The following TENM3 variants were observed in gnomAD, a reference collection of about 807,000 sequenced individuals.
TENM3 encodes teneurin transmembrane protein 3.
In TENM3, 63 loss-of-function variants were observed where a neutral mutation model predicts 255.1. The ratio of observed to expected loss-of-function variants is 0.25; its 90% CI spans 0.20 to 0.30. The LOEUF is 0.30. TENM3 is among the 10% of genes least tolerant of loss of function. The pLI is 1.00. For missense variants in TENM3, 2,929 were observed against 3,461.1 expected, an observed-to-expected ratio of 0.85 and a Z score of 3.86; for synonymous variants, 1,306 against 1,322.3, an observed-to-expected ratio of 0.99 and a Z score of 0.27.
At chr4:182,087,387 T>C in the TENM3 span, among the ~76,000 whole-genome samples, 1 of 152,322 alleles carries the variant, frequency 6.6e-6, no homozygotes, top group East Asian at 1.9e-4. Flanking sequence ...CCTTACTGTG[T>C]CCAACTTGTA....
chr4:181,605,131 T>C, the TENM3 span, among the ~76,000 whole-genome samples: 7 of 151,834 alleles, frequency 4.6e-5, no homozygotes, highest in East Asian at 1.2e-3. Flanking sequence ...AAGAAAGAAA[T>C]ACGTAAGGGA....
At chr4:181,684,197 G>T in the TENM3 span, among the ~76,000 whole-genome samples, 116,315 of 152,072 alleles carry the variant, frequency 0.76, 45,128 homozygotes, top group Admixed American at 0.87. Context: ...CGGTTCCTAT[G>T]CAGTGTTATT....
chr4:181,999,802 A>T, the TENM3 span, among the ~76,000 whole-genome samples: 4 of 152,172 alleles, frequency 2.6e-5, no homozygotes, highest in Non-Finnish European at 5.9e-5. Flanking sequence ...TGTATTCAGG[A>T]TTTGACATAT....
At chr4:182,776,759 T>G (rs775401365) in intron 24 of TENM3, among the ~76,000 whole-genome samples, 1 of 152,188 alleles carries the variant, frequency 6.6e-6, no homozygotes, top group Non-Finnish European at 1.5e-5. Flanking sequence ...AGAAAATACC[T>G]CACTTGAGGA....
At chr4:181,871,321 A>G in the TENM3 span, among the ~76,000 whole-genome samples, 54 of 152,220 alleles carry the variant, frequency 3.5e-4, no homozygotes, top group African/African-American at 1.2e-3. Flanking sequence ...CATTGAATCT[A>G]TAGTTCAATT....
chr4:182,366,190 A>G (rs1425634500), intron 3 of TENM3, among the ~76,000 whole-genome samples: 1 of 152,064 alleles, frequency 6.6e-6, no homozygotes, highest in African/African-American at 2.4e-5. Flanking sequence ...TATTCTGCAA[A>G]TATTTTCCTG....
At chr4:182,436,717 A>T (rs895369473) in intron 3 of TENM3, among the ~76,000 whole-genome samples, 1 of 152,200 alleles carries the variant, frequency 6.6e-6, no homozygotes, top group Middle Eastern at 3.2e-3. Flanking sequence ...CTTCTAAAAA[A>T]TGCACCAGTG....
chr4:182,177,113 A>G (rs1308662874), intron 1 of TENM3, among the ~76,000 whole-genome samples: 1 of 152,080 alleles, frequency 6.6e-6, no homozygotes, highest in Admixed American at 6.5e-5. Context: ...AAGCACCCAC[A>G]TGGGGACCCG....
chr4:182,686,637 C>A (rs1294218674), intron 11 of TENM3, among the ~76,000 whole-genome samples: 1 of 152,154 alleles, frequency 6.6e-6, no homozygotes, highest in East Asian at 1.9e-4. Context: ...AGCAACAGAG[C>A]TTTCCTCTAT....
chr4:182,158,301 A>C (rs913835665), intron 1 of TENM3, among the ~76,000 whole-genome samples: 2 of 152,218 alleles, frequency 1.3e-5, no homozygotes, highest in Admixed American at 1.3e-4. Context: ...CACACAACAT[A>C]CAAAACTCAC....
chr4:182,732,603 A>T (rs1225740186), intron 16 of TENM3, among the ~76,000 whole-genome samples: 1 of 152,180 alleles, frequency 6.6e-6, no homozygotes, highest in African/African-American at 2.4e-5. Context: ...AGGCAGGAGG[A>T]TGGATCGAGC....
At chr4:182,679,539 C>T in intron 7 of TENM3, 127 bp from the exon 8 acceptor site, 1 of 718,948 alleles carries the variant, frequency 1.4e-6, no homozygotes, top group Non-Finnish European at 2.3e-6. Flanking sequence ...ACCATTTGGA[C>T]CTGTCAGGAA....
chr4:181,573,296 A>G, the TENM3 span, among the ~76,000 whole-genome samples: 1 of 152,194 alleles, frequency 6.6e-6, no homozygotes, highest in Admixed American at 6.5e-5. Flanking sequence ...TTCTATTTTT[A>G]GTTTTTTGAG....
chr4:182,800,175 G>A lies in TENM3; in HGVS notation c.7924G>A (p.Asp2642Asn), dbSNP rs1217685665. The A allele has an allele frequency of 5.3e-6, 8 of 1,514,370 alleles. No individual in the cohort carries two copies. Among genetic ancestry groups the A allele is most frequent in the Non-Finnish European group, 7.0e-6 (8 of 1,140,842 alleles). 93.8% of individuals were successfully genotyped at this position (1,514,370 alleles called of 1,614,324 possible). A position where few individuals can be genotyped will look rare whatever the true frequency, so the allele number is the denominator to read the frequency against. ...AWAREQQRVR[D>N]GEEGARLWTE... ...GGCGCGCGAGCAGCAGCGCGTGCGCGACGGCGAGGAGGGCGCGCGCCTCTG... is the reference window on the plus strand; with the variant it reads ...GGCGCGCGAGCAGCAGCGCGTGCGCAACGGCGAGGAGGGCGCGCGCCTCTG... Residue 2642 changes from aspartate (D) to asparagine (N), a missense_variant, in exon 28 of 28, where the codon GAC (aspartate) becomes AAC (asparagine). By Grantham distance (23) the Asp-to-Asn change is conservative. Transcript: ENST00000511685.
At chr4:182,386,524 T>G (rs1272816402) in intron 3 of TENM3, among the ~76,000 whole-genome samples, 3 of 152,192 alleles carry the variant, frequency 2.0e-5, no homozygotes, top group African/African-American at 7.2e-5. Flanking sequence ...TGACCAAGGC[T>G]GGAGCCCGCT....
chr4:181,610,180 C>G, the TENM3 span, among the ~76,000 whole-genome samples: 2 of 152,036 alleles, frequency 1.3e-5, no homozygotes, highest in African/African-American at 4.8e-5. Context: ...AAATGGAGTC[C>G]CCTTTTTGAC....
At chr4:182,245,067 G>A (rs910708983) in intron 1 of TENM3, among the ~76,000 whole-genome samples, 1 of 152,154 alleles carries the variant, frequency 6.6e-6, no homozygotes, top group African/African-American at 2.4e-5. Context: ...CAAAACAATC[G>A]AGTGTTAGGC....
chr4:182,083,208 T>A, the TENM3 span, among the ~76,000 whole-genome samples: 2 of 152,222 alleles, frequency 1.3e-5, no homozygotes, highest in African/African-American at 2.4e-5. Context: ...ATTTATGCAA[T>A]TTTACTGTTA....
intron 3 of TENM3, among the ~76,000 whole-genome samples, chr4:182,579,987 T>A (rs951941173): frequency 6.6e-6 from 1 of 152,140 alleles, no homozygotes; most frequent in African/African-American, 2.4e-5. Context: ...TTGAGAAAAT[T>A]TGCAGGATGT....
Sources: gnomAD v4.1 joint callset for allele counts (sites outside exome capture counted in the v4.1 genomes callset) on GRCh38, gnomAD v4.1.1 for gene constraint, MANE v1.5 for transcripts, NCBI Gene and HGNC (gene_info 2026-07-23, HGNC 2026-07-21) for gene names.